The following COL4A5 variants were observed in gnomAD, a reference collection of about 807,000 sequenced individuals.
COL4A5 encodes collagen alpha-5(IV) chain.
COL4A5 carries 26 observed loss-of-function variants against 130.2 expected under a neutral mutation model. That is an observed-to-expected ratio of 0.20 (90% confidence interval 0.15 to 0.28). The LOEUF is 0.28. COL4A5 is among the 10% of genes least tolerant of loss of function. COL4A5 has a pLI of 1.00. For missense variants in COL4A5, 1,131 were observed against 1,344.3 expected (o/e 0.84, Z 2.48); for synonymous variants, 496 against 439.6 (o/e 1.13, Z -1.60).
At position 108,460,273 on chromosome X, in the gene COL4A5, G is replaced by A. The variant is rs759240777; in HGVS notation, c.81+20067G>A. On this transcript the variant is annotated intron_variant, in intron 1 of 52. Transcript: ENST00000328300. ...TTTCAAAATAAAAGGGCCAATTCCCGTTACATTTTGATTTAAAAAATTAAG... is the reference window on the plus strand; with the variant it reads ...TTTCAAAATAAAAGGGCCAATTCCCATTACATTTTGATTTAAAAAATTAAG... Among the ~76,000 whole-genome samples, 18 of 111,432 alleles carry A rather than the reference G, an allele frequency of 1.6e-4. No homozygotes were observed. In the South Asian group the frequency reaches 4.1e-3, roughly 25 times the overall value.
intron 32 of COL4A5, 99 bp downstream of exon 32, chrX:108,621,991 C>A: frequency 1.6e-6 from 1 of 609,605 alleles, no homozygotes; most frequent in Non-Finnish European, 2.7e-6. Context: ...TTAAAATGAG[C>A]AATGGTTACT....
At chrX:108,442,410 T>C (rs2064411354) in intron 1 of COL4A5, among the ~76,000 whole-genome samples, 1 of 111,411 alleles carries the variant, frequency 9.0e-6, no homozygotes, top group South Asian at 3.8e-4. Flanking sequence ...TGCCAAAAGG[T>C]TAGTAATAAG....
chrX:108,580,630 A>G (rs2066228829), intron 14 of COL4A5, 44 bp downstream of exon 14: 2 of 1,191,202 alleles, frequency 1.7e-6, no homozygotes, highest in South Asian at 1.8e-5. Flanking sequence ...GTAAATTGGT[A>G]TTGGTACACA....
chrX:108,509,611 A>G (rs1478524570), intron 1 of COL4A5, among the ~76,000 whole-genome samples: 1 of 111,964 alleles, frequency 8.9e-6, no homozygotes, highest in Non-Finnish European at 1.9e-5. Context: ...GTGAGATACC[A>G]TCTTACACCA....
chrX:108,591,727 C>T (rs1379284543), intron 21 of COL4A5, 83 bp downstream of exon 21: 2 of 745,634 alleles, frequency 2.7e-6, no homozygotes, highest in Admixed American at 2.3e-5. Context: ...CTCCATCACA[C>T]CTTAGCCACT....
chrX:108,440,243 C>G lies in COL4A5; in HGVS notation c.81+37C>G, dbSNP rs184599590. ...CTCCCCTCCCCCGCGCCCATCACCG[C>G]TCTTTCACGCTGAAATTACCTTTTT... On this transcript the variant is annotated intron_variant, in intron 1 of 52. Coordinates refer to ENST00000328300, the MANE Select transcript of COL4A5 (RefSeq NM_033380.3). The G allele has an allele frequency of 1.2e-4, 120 of 968,777 alleles. No individual in the cohort carries two copies. In the African/African-American group the frequency reaches 2.3e-3, roughly 18 times the overall value. 79.8% of individuals were successfully genotyped at this position (968,777 alleles called of 1,213,427 possible). A position where few individuals can be genotyped will look rare whatever the true frequency, so the allele number is the denominator to read the frequency against.
intron 2 of COL4A5, among the ~76,000 whole-genome samples, chrX:108,545,069 T>C (rs947099188): frequency 6.3e-5 from 7 of 111,916 alleles, no homozygotes; most frequent in Non-Finnish European, 1.3e-4. Context: ...AGCTCCTGGA[T>C]TCATTGATTA....
At position 108,522,880 on chromosome X, in the gene COL4A5, C is replaced by CT. The variant is rs746440433; in HGVS notation, c.82-16851dup. On this transcript the variant is annotated intron_variant, in intron 1 of 52. Transcript: ENST00000328300. ...CTAAACAAAGGTAAAAAAAAAATTA[C>CT]TTTTTTTTTTTTTTTGAGACAGAGT... Among the ~76,000 whole-genome samples the CT allele has an allele frequency of 3.7e-3, 352 of 95,079 alleles. 1 individual carries two copies. The highest frequency in any genetic ancestry group is 0.01 in the African/African-American group (256 of 25,578). 82.6% of individuals were successfully genotyped at this position (95,079 alleles called of 115,157 possible).
chrX:108,584,769 G>T (rs1207760344), intron 18 of COL4A5, among the ~76,000 whole-genome samples: 2 of 107,162 alleles, frequency 1.9e-5, no homozygotes, highest in Non-Finnish European at 3.8e-5. Flanking sequence ...GCATTGGGTT[G>T]TTTTGCCTCA....
intron 40 of COL4A5, among the ~76,000 whole-genome samples, chrX:108,667,861 T>C (rs2068116285): frequency 9.0e-6 from 1 of 111,352 alleles, no homozygotes; most frequent in Non-Finnish European, 1.9e-5. Flanking sequence ...ACAATTTTGC[T>C]AGACGGTGAT....
At chrX:108,544,136 C>T (rs1302716769) in intron 2 of COL4A5, among the ~76,000 whole-genome samples, 1 of 111,774 alleles carries the variant, frequency 8.9e-6, no homozygotes, top group Non-Finnish European at 1.9e-5. Flanking sequence ...CCAGAACTTC[C>T]AACACTATGT....
chrX:108,685,434 G>C (rs957815101), intron 47 of COL4A5, among the ~76,000 whole-genome samples: 3 of 112,308 alleles, frequency 2.7e-5, no homozygotes, highest in African/African-American at 9.7e-5. Flanking sequence ...CCCTCTGGCT[G>C]TTCCAATTTG....
chrX:108,539,357 T>A (rs1794852087), intron 1 of COL4A5, among the ~76,000 whole-genome samples: 1 of 112,039 alleles, frequency 8.9e-6, no homozygotes, highest in Non-Finnish European at 1.9e-5. Flanking sequence ...AATGTAAGAA[T>A]AATTAACTTT....
rs960538824 is a variant in COL4A5 at position 108,499,962 on chromosome X, C to G, written c.82-39784C>G. On this transcript the variant is annotated intron_variant, in intron 1 of 52. Transcript: ENST00000328300. ...ACATAGACCCACTAAGAGAGGCAGA[C>G]AGACTGATGGACTCTAGAATTAGAT... 4.5e-5 allele frequency among the ~76,000 whole-genome samples: 5 copies of G among 111,666 alleles called. No individual in the cohort carries two copies. In the East Asian group the frequency reaches 1.4e-3, roughly 31 times the overall value.
chrX:108,660,818 C>G (rs1316612237), intron 37 of COL4A5, among the ~76,000 whole-genome samples: 1 of 111,197 alleles, frequency 9.0e-6, no homozygotes, highest in Non-Finnish European at 1.9e-5. Context: ...CATATATAGT[C>G]GTGTGTCACA....
chrX:108,670,386 C>A, intron 42 of COL4A5, 150 bp downstream of exon 42: 1 of 974,025 alleles, frequency 1.0e-6, no homozygotes, highest in Non-Finnish European at 1.4e-6. Context: ...TTTTTAGGAA[C>A]TTGTAGAACC....
chrX:108,640,008 A>G (rs907085669), intron 36 of COL4A5, among the ~76,000 whole-genome samples: 3 of 112,266 alleles, frequency 2.7e-5, no homozygotes, highest in Admixed American at 9.4e-5. Flanking sequence ...CAGAATTATC[A>G]TATGATCTAG....
intron 37 of COL4A5, among the ~76,000 whole-genome samples, chrX:108,655,970 T>G (rs1292344556): frequency 2.7e-5 from 3 of 112,340 alleles, no homozygotes; most frequent in African/African-American, 9.7e-5. Context: ...GTTGAATTTA[T>G]TTTTTGCTTG....
chrX:108,691,694 T>C (rs2068641757), intron 49 of COL4A5, among the ~76,000 whole-genome samples: 1 of 111,412 alleles, frequency 9.0e-6, no homozygotes, highest in Admixed American at 9.6e-5. Context: ...AGGAAAAAAC[T>C]GTGTGAGAAA....
Sources: allele counts gnomAD v4.1 joint callset (sites outside exome capture counted in the v4.1 genomes callset), GRCh38; gene constraint gnomAD v4.1.1; transcripts MANE v1.5; gene names NCBI Gene and HGNC (gene_info 2026-07-23, HGNC 2026-07-21).